The following UNC93A variants were observed in gnomAD, a reference collection of about 807,000 sequenced individuals.
UNC93A encodes N-acetylglucosamine transporter UNC93A.
In UNC93A, 43 loss-of-function variants were observed where a neutral mutation model predicts 47.5. That is an observed-to-expected ratio of 0.91 (90% CI 0.71 to 1.17). UNC93A has a LOEUF of 1.17. Ranked by LOEUF, UNC93A falls within the 50% of genes most tolerant of loss-of-function variation. The pLI is 0.00. For missense variants in UNC93A, 605 were observed against 577.6 expected, an observed-to-expected ratio of 1.05 and a Z score of -0.49; for synonymous variants, 280 against 258.0, an observed-to-expected ratio of 1.09 and a Z score of -0.82.
At chr6:167,273,233 C>T (rs1783480243) in intron 1 of UNC93A, among the ~76,000 whole-genome samples, 4 of 152,154 alleles carry the variant, frequency 2.6e-5, no homozygotes, top group Admixed American at 2.0e-4. Flanking sequence ...CAGGCCCCAT[C>T]TCACCATGAC....
chr6:167,294,807 A>G (rs1778006630), intron 2 of UNC93A, 109 bp downstream of exon 2: 1 of 1,270,050 alleles, frequency 7.9e-7, no homozygotes. Context: ...CACTGCAGGC[A>G]TTTTAAAATG....
intron 4 of UNC93A, among the ~76,000 whole-genome samples, chr6:167,299,976 C>A (rs1778195912): frequency 6.6e-6 from 1 of 152,082 alleles, no homozygotes; most frequent in Admixed American, 6.5e-5. Context: ...GTGCTGAGTC[C>A]AGAGGAGGGA....
intron 7 of UNC93A, among the ~76,000 whole-genome samples, chr6:167,311,870 A>G (rs145399466): frequency 0.026 from 3,967 of 152,038 alleles, 9 homozygotes; most frequent in African/African-American, 0.091. Flanking sequence ...GCTTCCCCAA[A>G]TGCTGAGCAT....
upstream of UNC93A, among the ~76,000 whole-genome samples, chr6:167,288,820 G>A (rs940620879): frequency 2.0e-5 from 3 of 152,210 alleles, no homozygotes; most frequent in African/African-American, 7.2e-5. Flanking sequence ...GAACTCAGCC[G>A]TAGCAAAACG....
intron 1 of UNC93A, among the ~76,000 whole-genome samples, chr6:167,280,343 C>T (rs968672540): frequency 1.4e-4 from 22 of 152,160 alleles, no homozygotes; most frequent in Admixed American, 1.3e-4. Context: ...ATGCTGTGTG[C>T]TTTCAAGGGA....
In UNC93A at chr6:167,292,963, C is replaced by T. The variant is rs375279921; in HGVS notation, c.87+1387C>T. 8.5e-5 allele frequency among the ~76,000 whole-genome samples: 13 copies of T among 152,234 alleles called. No individual in the cohort carries two copies. The East Asian group carries it at 1.7e-3, about 20-fold the overall frequency. Reference sequence around the variant, plus strand: ...TCCTAGGAACCAGTTCTGGTGGATCCGCTGTGGCTCAGCCACTGTCTGAAA... The same window carrying T: ...TCCTAGGAACCAGTTCTGGTGGATCTGCTGTGGCTCAGCCACTGTCTGAAA... On this transcript the variant is annotated intron_variant, in intron 1 of 7. Coordinates refer to ENST00000230256, the MANE Select transcript of UNC93A (RefSeq NM_018974.4).
intron 3 of UNC93A, 93 bp downstream of exon 3, chr6:167,296,354 T>C: frequency 7.4e-7 from 1 of 1,347,936 alleles, no homozygotes; most frequent in Non-Finnish European, 1.0e-6. Flanking sequence ...CACACCTGCC[T>C]TGATTCTGTA....
intron 1 of UNC93A, among the ~76,000 whole-genome samples, chr6:167,280,920 C>G (rs1000022843): frequency 2.0e-5 from 3 of 152,300 alleles, no homozygotes; most frequent in Admixed American, 1.3e-4. Context: ...AAATTTATCT[C>G]TATCACAGCA....
chr6:167,302,734 G>A (rs992270188), intron 4 of UNC93A, among the ~76,000 whole-genome samples: 1 of 152,168 alleles, frequency 6.6e-6, no homozygotes, highest in African/African-American at 2.4e-5. Context: ...ATATTTTTTT[G>A]TATAGATAAC....
intron 7 of UNC93A, among the ~76,000 whole-genome samples, chr6:167,313,543 GACA>G (rs1055823961): frequency 2.6e-5 from 4 of 152,042 alleles, no homozygotes; most frequent in Non-Finnish European, 4.4e-5. Flanking sequence ...TTTCTTGGAG[GACA>G]ACGATTTCTA....
rs898166102 is a variant in UNC93A at position 167,285,434 on chromosome 6, G to A, written c.-51-6005G>A. 1.1e-4 allele frequency among the ~76,000 whole-genome samples: 17 copies of A among 151,874 alleles called. 1 individual carries two copies. Among genetic ancestry groups the A allele is most frequent in the African/African-American group, 4.1e-4 (17 of 41,418 alleles). On this transcript the variant is annotated intron_variant, in intron 1 of 3. Transcript: ENST00000503433. ...CAGGACAAAAGGAGTTGCCAGCCAG[G>A]AGGGGAAGTGAGCTGGGGCCTAAAT...
chr6:167,281,139 C>T (rs935936106), intron 1 of UNC93A, among the ~76,000 whole-genome samples: 10 of 151,334 alleles, frequency 6.6e-5, no homozygotes, highest in East Asian at 3.9e-4. Flanking sequence ...TCCCAGGAGG[C>T]CATCCCACTG....
chr6:167,296,139 C>A lies in UNC93A; in HGVS notation c.377C>A (p.Ala126Glu). The change falls in exon 3 of 8, where the codon GCG (alanine) becomes GAG (glutamate). Residue 126 changes from alanine (A) to glutamate (E), a missense_variant. Coordinates refer to ENST00000230256, the MANE Select transcript of UNC93A (RefSeq NM_018974.4). The stretch of plus-strand genomic sequence containing the variant: ...ACGGGAAACACACATGCAGAGAAGG[C>A]GGGAAAGCGTGGCAAAGACATGGTG... ...TITGNTHAEK[A>E]GKRGKDMVNQ... The A allele has an allele frequency of 6.2e-7, 1 of 1,614,180 alleles. No homozygotes were observed. Among genetic ancestry groups the A allele is most frequent in the Non-Finnish European group, 8.5e-7 (1 of 1,180,050 alleles).
chr6:167,305,102 T>TCTGTCCCCATC (rs1554241413), intron 5 of UNC93A, among the ~76,000 whole-genome samples: 1 of 151,372 alleles, frequency 6.6e-6, no homozygotes, highest in African/African-American at 2.4e-5. Context: ...ACTTCTCTGC[T>TCTGTCCCCATC]CCAGATCCCT....
chr6:167,291,242 T>G (rs923691525), upstream of UNC93A: 3 of 371,592 alleles, frequency 8.1e-6, no homozygotes, highest in Non-Finnish European at 9.6e-6. Flanking sequence ...AAAGTGGACA[T>G]TGTGGATCAC....
At chr6:167,313,153 A>C (rs1778603484) in intron 7 of UNC93A, among the ~76,000 whole-genome samples, 1 of 152,120 alleles carries the variant, frequency 6.6e-6, no homozygotes, top group Non-Finnish European at 1.5e-5. Flanking sequence ...GGCCTCCTCC[A>C]TTCTGTTTTG....
intron 1 of UNC93A, among the ~76,000 whole-genome samples, chr6:167,282,164 G>A (rs1232164927): frequency 2.0e-5 from 3 of 152,166 alleles, no homozygotes; most frequent in Non-Finnish European, 4.4e-5. Context: ...TTCAGACAGG[G>A]TGATGTAGAG....
intron 4 of UNC93A, among the ~76,000 whole-genome samples, chr6:167,302,877 A>G (rs995189492): frequency 6.6e-6 from 1 of 152,152 alleles, no homozygotes. Flanking sequence ...AATAATTCAT[A>G]AGGTTTAAGT....
intron 7 of UNC93A, 126 bp from the exon 8 acceptor site, chr6:167,315,061 T>C: frequency 7.2e-7 from 1 of 1,382,672 alleles, no homozygotes; most frequent in African/African-American, 1.5e-5. Context: ...ATCATTCTGT[T>C]GTGAAAAAAG....
Sources: allele counts gnomAD v4.1 joint callset (sites outside exome capture counted in the v4.1 genomes callset), GRCh38; gene constraint gnomAD v4.1.1; transcripts MANE v1.5; gene names NCBI Gene and HGNC (gene_info 2026-07-23, HGNC 2026-07-21).